Variants in AQP11 observed in about 807,000 individuals in gnomAD.
The protein encoded by AQP11 is aquaporin-11.
Under a neutral mutation model 21.1 loss-of-function variants are expected in AQP11, and 20 were observed. That is an observed-to-expected ratio of 0.95 (90% CI 0.67 to 1.38). The LOEUF (loss-of-function observed/expected upper bound fraction) is 1.38. Ranked by LOEUF, AQP11 falls within the 40% of genes most tolerant of loss-of-function variation. AQP11 has a pLI of 0.00. For synonymous variants in AQP11, 167 were observed against 150.1 expected (o/e 1.11, Z -0.82); for missense variants, 339 against 340.4 (o/e 1.00, Z 0.03).
At chr11:77,596,678 G>A (rs1958785404) in intron 1 of AQP11, among the ~76,000 whole-genome samples, 1 of 150,326 alleles carries the variant, frequency 6.7e-6, no homozygotes, top group Non-Finnish European at 1.5e-5. Context: ...GGGCAACATA[G>A]CAAGACCCTG....
chr11:77,601,766 G>A (rs1178212701), intron 1 of AQP11, among the ~76,000 whole-genome samples: 1 of 152,164 alleles, frequency 6.6e-6, no homozygotes, highest in East Asian at 1.9e-4. Flanking sequence ...AAAGCCCAAG[G>A]TAGCCTCACT....
At chr11:77,596,517 T>G (rs1327909819) in intron 1 of AQP11, among the ~76,000 whole-genome samples, 26 of 132,292 alleles carry the variant, frequency 2.0e-4, no homozygotes, top group Non-Finnish European at 3.2e-4. Flanking sequence ...TGTGTAAATA[T>G]ATATGTAAAT....
chr11:77,590,440 G>T lies in AQP11; in HGVS notation c.448G>T (p.Glu150Ter), dbSNP rs759491525. Residue 150 changes from glutamate to a stop codon, truncating the protein, a stop_gained, in exon 1 of 3, where the codon GAG becomes TAG. Transcript: ENST00000313578. LOFTEE classifies it high-confidence loss of function. ...GGGTCTGACCCAGTATCACGTCAGC[G>T]AGAGGAGCTTCGCTTGCAAGAATCC... ...SLGLTQYHVS[E>*]RSFACKNPIR... 3.7e-6 allele frequency: 6 copies of T among 1,614,082 alleles called. No homozygotes were observed. The highest frequency in any genetic ancestry group is 5.1e-6 in the Non-Finnish European group (6 of 1,180,032).
intron 1 of AQP11, among the ~76,000 whole-genome samples, chr11:77,592,980 G>C (rs749554184): frequency 1.3e-5 from 2 of 152,230 alleles, no homozygotes; most frequent in African/African-American, 4.8e-5. Context: ...CCAAGGTAAA[G>C]AAGCACTGCT....
intron 1 of AQP11, among the ~76,000 whole-genome samples, chr11:77,601,131 C>T (rs961868665): frequency 6.6e-6 from 1 of 152,028 alleles, no homozygotes; most frequent in Non-Finnish European, 1.5e-5. Flanking sequence ...TTGGTTGTTA[C>T]GATGTGGGGA....
Position 77,609,404 on chromosome 11 carries a change from C to CAGG in AQP11, c.*29_*31dup. 6.5e-7 allele frequency: 1 copy of CAGG among 1,547,512 alleles called. No homozygotes were observed. On this transcript the variant is annotated 3_prime_UTR_variant, in exon 3 of 3. Coordinates refer to ENST00000313578, the MANE Select transcript of AQP11 (RefSeq NM_173039.3). The stretch of plus-strand genomic sequence containing the variant: ...TGTTCCAAAGACTCAGACTAACATA[C>CAGG]AGGACAGTCCAGCTGGATGTGATAA...
intron 1 of AQP11, among the ~76,000 whole-genome samples, chr11:77,594,330 G>A (rs1263834837): frequency 6.6e-6 from 1 of 152,168 alleles, no homozygotes; most frequent in Non-Finnish European, 1.5e-5. Context: ...ACTTCATAGA[G>A]CCTTTACTAT....
Position 77,603,651 on chromosome 11 carries a change from T to C in AQP11, c.715T>C (p.Tyr239His), listed in dbSNP as rs746672488. 1 of 1,601,012 alleles carries C rather than the reference T, an allele frequency of 6.2e-7. No homozygotes were observed. Among genetic ancestry groups the C allele is most frequent in the Non-Finnish European group, 8.5e-7 (1 of 1,175,284 alleles). The change falls in exon 2 of 3, where the codon TAC (tyrosine) becomes CAC (histidine). Residue 239 changes from tyrosine (Y) to histidine (H), a missense_variant. Transcript: ENST00000313578. Reference protein sequence around the residue: ...DEAFPQFFIVYWLAPSLGILL... With the variant: ...DEAFPQFFIVHWLAPSLGILL... Reference sequence around the variant, plus strand: ...AGCATTCCCTCAGTTTTTTATAGTATACTGGCTGGCTCCTTCTTTAGGTAA... The same window carrying C: ...AGCATTCCCTCAGTTTTTTATAGTACACTGGCTGGCTCCTTCTTTAGGTAA...
At chr11:77,602,021 C>A (rs1958818241) in intron 1 of AQP11, among the ~76,000 whole-genome samples, 1 of 152,204 alleles carries the variant, frequency 6.6e-6, no homozygotes, top group South Asian at 2.1e-4. Flanking sequence ...GTTGCAAAGC[C>A]AGCTCATTTT....
intron 1 of AQP11, among the ~76,000 whole-genome samples, chr11:77,596,556 ATATATATG>A (rs1350954679): frequency 8.4e-5 from 11 of 130,592 alleles, no homozygotes; most frequent in African/African-American, 2.7e-4. Context: ...ATATATATAT[ATATATATG>A]TATGTAATGG....
intron 1 of AQP11, among the ~76,000 whole-genome samples, chr11:77,593,017 A>G (rs915184373): frequency 1.3e-5 from 2 of 152,220 alleles, no homozygotes; most frequent in Non-Finnish European, 2.9e-5. Flanking sequence ...GCACTGTGCA[A>G]TTCAGTAGCC....
rs1958862269 is a variant in AQP11, at chr11:77,609,043, ATAC to A, written c.737-253_737-251del. ...AGATCCTATTGGTTTTACCAAATGC[ATAC>A]TGTGTTTAAGGATTCACAGTTGAAG... On this transcript the variant is annotated intron_variant, in intron 2 of 2. Coordinates refer to ENST00000313578, the MANE Select transcript of AQP11 (RefSeq NM_173039.3). 6.6e-5 allele frequency among the ~76,000 whole-genome samples: 10 copies of A among 152,360 alleles called. No homozygotes were observed. The South Asian group carries it at 2.1e-3, about 32-fold the overall frequency.
intron 2 of AQP11, among the ~76,000 whole-genome samples, chr11:77,604,031 A>C (rs1225195328): frequency 6.6e-6 from 1 of 152,164 alleles, no homozygotes; most frequent in Non-Finnish European, 1.5e-5. Context: ...TTTGCAGAAC[A>C]GCATCTCATG....
chr11:77,593,353 C>T lies in AQP11; in HGVS notation c.619+2742C>T, dbSNP rs1342605989. The stretch of plus-strand genomic sequence containing the variant: ...TTAATTAATTCTTACAACAACCCAT[C>T]GGCCGGGCGCGGTGGCTCACGCCTG... On this transcript the variant is annotated intron_variant, in intron 1 of 2. Transcript: ENST00000313578. Among the ~76,000 whole-genome samples the T allele has an allele frequency of 8.5e-5, 13 of 152,258 alleles. 1 individual carries two copies. The South Asian group carries it at 1.9e-3, about 22-fold the overall frequency.
intron 1 of AQP11, among the ~76,000 whole-genome samples, chr11:77,593,364 G>A (rs1200930798): frequency 1.3e-5 from 2 of 152,110 alleles, no homozygotes; most frequent in African/African-American, 4.8e-5. Flanking sequence ...GGCCGGGCGC[G>A]GTGGCTCACG....
Position 77,589,987 on chromosome 11 carries a change from G to T in AQP11, c.-6G>T. The T allele has an allele frequency of 6.8e-7, 1 of 1,474,084 alleles. No homozygotes were observed. Among genetic ancestry groups the T allele is most frequent in the East Asian group, 2.5e-5 (1 of 40,402 alleles). 91.3% of individuals were successfully genotyped at this position (1,474,084 alleles called of 1,614,324 possible). ...GCCCGCAACCCGCTCAGGCGGCGAC[G>T]GAGCCATGTCGCCGCTGCTGGGGCT... On this transcript the variant is annotated 5_prime_UTR_variant, in exon 1 of 3. Coordinates refer to ENST00000313578, the MANE Select transcript of AQP11 (RefSeq NM_173039.3).
At chr11:77,593,274 A>G (rs2135743673) in intron 1 of AQP11, among the ~76,000 whole-genome samples, 1 of 152,342 alleles carries the variant, frequency 6.6e-6, no homozygotes, top group East Asian at 1.9e-4. Flanking sequence ...AAGAATATTC[A>G]GTTGTCAGCT....
rs1045962715 is a variant in AQP11 at position 77,590,786 on chromosome 11, G to A, written c.619+175G>A. Reference sequence around the variant, plus strand: ...TTAACCAGTAGGGCCGACACGTAGAGCCTTCATGCAGTGCTGCTTTGAACA... The same window carrying A: ...TTAACCAGTAGGGCCGACACGTAGAACCTTCATGCAGTGCTGCTTTGAACA... On this transcript the variant is annotated intron_variant, in intron 1 of 2. Coordinates refer to ENST00000313578, the MANE Select transcript of AQP11 (RefSeq NM_173039.3). The A allele has an allele frequency of 3.6e-4, 350 of 985,314 alleles. 1 individual carries two copies. The highest frequency in any genetic ancestry group is 4.0e-4 in the Non-Finnish European group (332 of 829,948). The allele number at this position is 985,314 out of a possible 1,614,324, so 61.0% of individuals were successfully genotyped here.
chr11:77,599,083 G>A (rs908051260), intron 1 of AQP11, among the ~76,000 whole-genome samples: 1 of 152,016 alleles, frequency 6.6e-6, no homozygotes, highest in African/African-American at 2.4e-5. Context: ...GTTTCTCCAT[G>A]TTGGTCAGGC....
Sources: allele counts gnomAD v4.1 joint callset (sites outside exome capture counted in the v4.1 genomes callset), GRCh38; gene constraint gnomAD v4.1.1; transcripts MANE v1.5; gene names NCBI Gene and HGNC (gene_info 2026-07-23, HGNC 2026-07-21).